DOCK3: variants seen among roughly 807,000 people sequenced by gnomAD.
DOCK3 encodes the protein dedicator of cytokinesis 3, also known as dedicator of cytokinesis protein 3.
A neutral mutation model predicts 265.6 loss-of-function variants in DOCK3; 60 were observed. The observed-to-expected ratio is 0.23, with a 90% confidence interval of 0.18 to 0.28. DOCK3 has a LOEUF of 0.28. Ranked by LOEUF, DOCK3 falls within the 10% of genes least tolerant of loss-of-function variation. DOCK3 has a pLI of 1.00. For missense variants in DOCK3, 1,981 were observed against 2,594.3 expected, an observed-to-expected ratio of 0.76 and a Z score of 5.14; for synonymous variants, 881 against 938.0, an observed-to-expected ratio of 0.94 and a Z score of 1.11.
chr3:51,288,249 G>A (rs757903435), intron 27 of DOCK3, among the ~76,000 whole-genome samples: 22 of 151,980 alleles, frequency 1.4e-4, no homozygotes, highest in South Asian at 2.1e-4. Flanking sequence ...AAAATGAGTC[G>A]GGCATGGCGG....
chr3:50,730,132 C>T (rs929657224), intron 1 of DOCK3, among the ~76,000 whole-genome samples: 10 of 152,080 alleles, frequency 6.6e-5, no homozygotes, highest in South Asian at 4.1e-4. Context: ...TTTGCACTAA[C>T]GCTTTTAAAA....
chr3:50,901,009 G>C (rs1233846731), intron 4 of DOCK3: 2 of 377,848 alleles, frequency 5.3e-6, no homozygotes, highest in African/African-American at 2.2e-5. Context: ...CAATGTGCTG[G>C]GAGATTCGCT....
At chr3:51,304,370 C>T (rs1560394904) in intron 27 of DOCK3, among the ~76,000 whole-genome samples, 1 of 151,890 alleles carries the variant, frequency 6.6e-6, no homozygotes, top group Non-Finnish European at 1.5e-5. Context: ...TCCTGGGAAG[C>T]TCATTAGTCT....
At chr3:51,251,132 T>C (rs1428791922) in intron 22 of DOCK3, among the ~76,000 whole-genome samples, 3 of 152,192 alleles carry the variant, frequency 2.0e-5, no homozygotes, top group Non-Finnish European at 4.4e-5. Flanking sequence ...TGGTTTTCTG[T>C]CCTTGCGATA....
At chr3:50,784,622 T>C (rs1576425920) in intron 2 of DOCK3, among the ~76,000 whole-genome samples, 1 of 152,268 alleles carries the variant, frequency 6.6e-6, no homozygotes, top group East Asian at 1.9e-4. Flanking sequence ...TTTCACAATA[T>C]TGATTCTACC....
intron 24 of DOCK3, among the ~76,000 whole-genome samples, chr3:51,273,590 C>T (rs913207778): frequency 6.6e-6 from 1 of 152,146 alleles, no homozygotes. Context: ...GCAGTATCAA[C>T]TTTTTTTATT....
At chr3:50,975,761 C>A (rs1366257357) in intron 5 of DOCK3, among the ~76,000 whole-genome samples, 1 of 152,062 alleles carries the variant, frequency 6.6e-6, no homozygotes, top group African/African-American at 2.4e-5. Flanking sequence ...CGCTGTGAAT[C>A]CATCTGGTCC....
chr3:51,056,622 G>A (rs1322790912), intron 5 of DOCK3, among the ~76,000 whole-genome samples: 1 of 152,076 alleles, frequency 6.6e-6, no homozygotes, highest in Non-Finnish European at 1.5e-5. Flanking sequence ...CATTATATTG[G>A]GATGAGTTTT....
chr3:51,163,136 A>G (rs2086215797), intron 12 of DOCK3, among the ~76,000 whole-genome samples: 1 of 152,258 alleles, frequency 6.6e-6, no homozygotes. Context: ...GGAAGCTTAA[A>G]GAGTTTACTA....
At chr3:50,915,705 A>C (rs1424419844) in intron 4 of DOCK3, among the ~76,000 whole-genome samples, 1 of 151,846 alleles carries the variant, frequency 6.6e-6, no homozygotes, top group East Asian at 1.9e-4. Context: ...GAATGCAGGG[A>C]GGTGCTTCAG....
intron 2 of DOCK3, chr3:50,787,326 A>G: frequency 2.4e-6 from 1 of 415,330 alleles, no homozygotes. Context: ...ACCTGAGGTC[A>G]GGAGTTCGAG....
chr3:51,382,825 C>G lies in DOCK3; in HGVS notation c.*1266C>G, dbSNP rs2088741219. 1 of 152,368 alleles carries G rather than the reference C, an allele frequency of 6.6e-6. No individual in the cohort carries two copies. The highest frequency in any genetic ancestry group is 1.5e-5 in the Non-Finnish European group (1 of 68,040). The allele number at this position is 152,368 out of a possible 1,614,324, so 9.4% of individuals were successfully genotyped here. ...CTTTATAGGAAACTATAAAGCAGAG[C>G]AGTGGTGTCTTTAGAGGAAACTCAT... On this transcript the variant is annotated 3_prime_UTR_variant, in exon 53 of 53. Transcript: ENST00000266037.
chr3:51,239,199 TTTTA>T (rs4028194), intron 21 of DOCK3, among the ~76,000 whole-genome samples: 5 of 146,616 alleles, frequency 3.4e-5, no homozygotes, highest in African/African-American at 1.0e-4. Flanking sequence ...AAAGCGTACT[TTTTA>T]TTTATTTATT....
At chr3:51,283,603 C>T (rs1490758281) in intron 27 of DOCK3, among the ~76,000 whole-genome samples, 2 of 152,156 alleles carry the variant, frequency 1.3e-5, no homozygotes, top group Non-Finnish European at 1.5e-5. Flanking sequence ...GTTAAAGGAG[C>T]AGACAAGTAG....
chr3:50,952,279 T>C (rs980546759), intron 5 of DOCK3, among the ~76,000 whole-genome samples: 5 of 152,172 alleles, frequency 3.3e-5, no homozygotes, highest in Non-Finnish European at 7.4e-5. Flanking sequence ...AAAGTGATTG[T>C]TTCAGGTGTC....
chr3:50,865,146 A>G (rs1045204038), intron 3 of DOCK3, among the ~76,000 whole-genome samples: 1 of 152,162 alleles, frequency 6.6e-6, no homozygotes, highest in Non-Finnish European at 1.5e-5. Flanking sequence ...TTGTGTTACC[A>G]ACAGTCTAAT....
chr3:51,283,771 T>TA (rs1355224117), intron 27 of DOCK3, among the ~76,000 whole-genome samples: 1 of 152,212 alleles, frequency 6.6e-6, no homozygotes, highest in Non-Finnish European at 1.5e-5. Flanking sequence ...GACTGCATCC[T>TA]AAACCTCCCC....
chr3:50,726,172 T>C (rs2037810158), intron 1 of DOCK3, among the ~76,000 whole-genome samples: 1 of 152,194 alleles, frequency 6.6e-6, no homozygotes, highest in Non-Finnish European at 1.5e-5. Context: ...TAAAAGCCTG[T>C]ATATGTTCAG....
intron 27 of DOCK3, among the ~76,000 whole-genome samples, chr3:51,285,776 T>TA (rs1019280656): frequency 7.3e-5 from 11 of 150,792 alleles, no homozygotes; most frequent in East Asian, 2.0e-4. Flanking sequence ...CTACTAAAAA[T>TA]AAAAAAAAAT....
Sources: allele counts gnomAD v4.1 joint callset (sites outside exome capture counted in the v4.1 genomes callset), GRCh38; gene constraint gnomAD v4.1.1; transcripts MANE v1.5; gene names NCBI Gene and HGNC (gene_info 2026-07-23, HGNC 2026-07-21).